The following ITGBL1 variants were observed in gnomAD, a reference collection of about 807,000 sequenced individuals.
The protein encoded by ITGBL1 is integrin beta-like protein 1.
Under a neutral mutation model 68.5 loss-of-function variants are expected in ITGBL1, and 51 were observed. The observed-to-expected ratio is 0.74, with a 90% CI of 0.59 to 0.94. The LOEUF is 0.94. ITGBL1 is among the 40% of genes least tolerant of loss of function. ITGBL1 has a pLI of 0.00. For synonymous variants in ITGBL1, 209 were observed against 227.3 expected, an observed-to-expected ratio of 0.92 and a Z score of 0.72; for missense variants, 649 against 647.4, an observed-to-expected ratio of 1.00 and a Z score of -0.03.
intron 7 of ITGBL1, among the ~76,000 whole-genome samples, chr13:101,613,531 C>T (rs1324638006): frequency 6.6e-6 from 1 of 152,068 alleles, no homozygotes; most frequent in Non-Finnish European, 1.5e-5. Context: ...GTACGGAGGG[C>T]AGGGACCCTC....
At chr13:101,698,374 T>C (rs1343215183) in intron 8 of ITGBL1, among the ~76,000 whole-genome samples, 2 of 152,242 alleles carry the variant, frequency 1.3e-5, no homozygotes, top group Non-Finnish European at 2.9e-5. Flanking sequence ...CTAAAGATGA[T>C]TAAACCAATT....
At chr13:101,693,628 A>ATCTGTCTGTCTG in intron 8 of ITGBL1, among the ~76,000 whole-genome samples, 1 of 52,750 alleles carries the variant, frequency 1.9e-5, no homozygotes, top group East Asian at 5.9e-4. Context: ...CTGTCTGTCT[A>ATCTGTCTGTCTG]TCTATCTATC....
rs762050952 is a variant in ITGBL1 at position 101,567,810 on chromosome 13, G to T, written c.428G>T (p.Cys143Phe). The T allele has an allele frequency of 6.2e-7, 1 of 1,613,192 alleles. No homozygotes were observed. The highest frequency in any genetic ancestry group is 8.5e-7 in the Non-Finnish European group (1 of 1,179,442). Reference sequence around the variant, plus strand: ...ACAAAGAAGAAAAGTAACCAAATGTGCAAGAATTCACAAGACATCATCTGC... The same window carrying T: ...ACAAAGAAGAAAAGTAACCAAATGTTCAAGAATTCACAAGACATCATCTGC... ...DLTKKKSNQM[C>F]KNSQDIICSN... is the part of the protein sequence containing the mutation. Residue 143 changes from cysteine (C) to phenylalanine (F), a missense_variant, in exon 3 of 11, where the codon TGC becomes TTC. By Grantham distance (205) the Cys-to-Phe change is radical. Transcript: ENST00000376180.
At chr13:101,508,572 T>G (rs1467569144) in intron 2 of ITGBL1, among the ~76,000 whole-genome samples, 2 of 152,182 alleles carry the variant, frequency 1.3e-5, no homozygotes, top group Non-Finnish European at 2.9e-5. Context: ...TATTTGCTAA[T>G]TTTTCTCACT....
intron 3 of ITGBL1, among the ~76,000 whole-genome samples, chr13:101,571,838 C>G (rs1299833926): frequency 2.0e-5 from 3 of 152,116 alleles, no homozygotes; most frequent in Non-Finnish European, 2.9e-5. Flanking sequence ...AAATCCTTCT[C>G]TTTATTTTTT....
intron 7 of ITGBL1, among the ~76,000 whole-genome samples, chr13:101,658,457 G>A (rs756028280): frequency 3.3e-5 from 5 of 152,000 alleles, no homozygotes; most frequent in Non-Finnish European, 5.9e-5. Flanking sequence ...TAAAGTGATC[G>A]TGTATTGCTT....
At chr13:101,612,915 T>C (rs1011835724) in intron 7 of ITGBL1, among the ~76,000 whole-genome samples, 10 of 152,122 alleles carry the variant, frequency 6.6e-5, no homozygotes, top group Non-Finnish European at 1.3e-4. Flanking sequence ...TCCCTCAGCG[T>C]CCGTAGCTTA....
At chr13:101,458,319 T>C (rs909590575) in intron 2 of ITGBL1, among the ~76,000 whole-genome samples, 4 of 152,208 alleles carry the variant, frequency 2.6e-5, no homozygotes, top group Non-Finnish European at 5.9e-5. Context: ...ACTGTTGGAA[T>C]TCTGAGTAAG....
At chr13:101,690,249 A>G (rs1455190060) in intron 7 of ITGBL1, among the ~76,000 whole-genome samples, 1 of 152,220 alleles carries the variant, frequency 6.6e-6, no homozygotes, top group African/African-American at 2.4e-5. Context: ...TGGGACAGAA[A>G]TTATCCACAA....
At chr13:101,624,005 A>G (rs758310044) in intron 7 of ITGBL1, among the ~76,000 whole-genome samples, 6 of 152,178 alleles carry the variant, frequency 3.9e-5, no homozygotes, top group African/African-American at 1.2e-4. Flanking sequence ...TTTACAATGT[A>G]TACAATCTCT....
At chr13:101,552,011 G>A (rs1176470062) in intron 2 of ITGBL1, among the ~76,000 whole-genome samples, 2 of 152,012 alleles carry the variant, frequency 1.3e-5, no homozygotes, top group Non-Finnish European at 2.9e-5. Flanking sequence ...CCTTTTTGTC[G>A]AAGTGATTTC....
chr13:101,673,030 C>T lies in ITGBL1; in HGVS notation c.1016-19555C>T, dbSNP rs140602988. Among the ~76,000 whole-genome samples, 848 of 152,294 alleles carry T rather than the reference C, an allele frequency of 5.6e-3. 2 individuals are homozygous for T. Among genetic ancestry groups the T allele is most frequent in the Non-Finnish European group, 6.6e-3 (450 of 68,028 alleles). On this transcript the variant is annotated intron_variant, in intron 7 of 10. Transcript: ENST00000376180. ...TGTGCCTGATGTTTGAGCCACACGG[C>T]AAGTTCACCAAACTGTCGAATGCTG...
Position 101,641,563 on chromosome 13 carries a change from T to G in ITGBL1, c.1015+43264T>G, listed in dbSNP as rs543956278. On this transcript the variant is annotated intron_variant, in intron 7 of 10. Coordinates refer to ENST00000376180, the MANE Select transcript of ITGBL1 (RefSeq NM_004791.3). ...TTTATTTATTTTTATTTTTTCTTTT[T>G]TTTCTTTTTTTATTATGCTTTAAGT... 3.2e-3 allele frequency among the ~76,000 whole-genome samples: 485 copies of G among 151,234 alleles called. 2 individuals carry two copies. Among genetic ancestry groups the G allele is most frequent in the Middle Eastern group, 0.014 (4 of 294 alleles).
At position 101,487,038 on chromosome 13, in the gene ITGBL1, C is replaced by A. The variant is rs80155155; in HGVS notation, c.316+32938C>A. On this transcript the variant is annotated intron_variant, in intron 2 of 10. Transcript: ENST00000376180. ...AAATTTTATAATACTTCTTCATAAA[C>A]CTTGGATTTGTTTTATTGCTTCTAG... 9.8e-3 allele frequency among the ~76,000 whole-genome samples: 1,494 copies of A among 152,160 alleles called. 27 individuals are homozygous for A. The East Asian group carries it at 0.1, about 10-fold the overall frequency.
At chr13:101,628,072 A>G (rs955518149) in intron 7 of ITGBL1, among the ~76,000 whole-genome samples, 1 of 152,230 alleles carries the variant, frequency 6.6e-6, no homozygotes, top group Non-Finnish European at 1.5e-5. Context: ...GCAATGAATG[A>G]AAGTCTGTGT....
chr13:101,536,929 A>C (rs1036999807), intron 2 of ITGBL1, among the ~76,000 whole-genome samples: 6 of 152,070 alleles, frequency 3.9e-5, no homozygotes, highest in African/African-American at 1.4e-4. Flanking sequence ...ACATTTAATA[A>C]ACTTTTAATA....
intron 4 of ITGBL1, among the ~76,000 whole-genome samples, chr13:101,576,608 C>G (rs2050363618): frequency 6.6e-6 from 1 of 152,122 alleles, no homozygotes; most frequent in South Asian, 2.1e-4. Context: ...CCAATGGGGC[C>G]ACGTGGAACC....
intron 2 of ITGBL1, among the ~76,000 whole-genome samples, chr13:101,506,464 A>G (rs1218590238): frequency 8.5e-5 from 13 of 152,188 alleles, no homozygotes; most frequent in Admixed American, 7.9e-4. Flanking sequence ...CTGAAAGACC[A>G]CATGCAGCAA....
intron 2 of ITGBL1, among the ~76,000 whole-genome samples, chr13:101,457,507 C>G (rs897078409): frequency 1.1e-4 from 17 of 152,212 alleles, no homozygotes; most frequent in Non-Finnish European, 4.4e-5. Flanking sequence ...AAGTCTGTTT[C>G]TTCCAGTGTC....
Sources: allele counts gnomAD v4.1 joint callset (sites outside exome capture counted in the v4.1 genomes callset), GRCh38; gene constraint gnomAD v4.1.1; transcripts MANE v1.5; gene names NCBI Gene and HGNC (gene_info 2026-07-23, HGNC 2026-07-21).